The following ATP8B2 variants were observed in gnomAD, a reference collection of about 807,000 sequenced individuals.
ATP8B2 encodes the protein ATPase phospholipid transporting 8B2.
ATP8B2 carries 70 observed loss-of-function variants against 133.4 expected under a neutral mutation model. The ratio of observed to expected loss-of-function variants is 0.52; its 90% CI spans 0.43 to 0.64. The LOEUF (loss-of-function observed/expected upper bound fraction) is 0.64. Ranked by LOEUF, ATP8B2 falls within the 30% of genes least tolerant of loss-of-function variation. ATP8B2 has a pLI of 0.00. For missense variants in ATP8B2, 1,101 were observed against 1,535.7 expected (o/e 0.72, Z 4.73); for synonymous variants, 517 against 589.5 (o/e 0.88, Z 1.78).
In ATP8B2 at chr1:154,349,330, A is replaced by G. The variant is rs1570876550; in HGVS notation, c.*212A>G. ...TGGGGAGCTAGAGGGAGCAGGCCCA[A>G]GGGCAGAGCAGAGGCTGAGGCACGG... On this transcript the variant is annotated 3_prime_UTR_variant, in exon 28 of 28. Transcript: ENST00000368489. The G allele has an allele frequency of 5.8e-6, 4 of 685,966 alleles. No individual in the cohort carries two copies. In the South Asian group the frequency reaches 6.2e-5, roughly 11 times the overall value. 42.5% of individuals were successfully genotyped at this position (685,966 alleles called of 1,614,324 possible). A position where few individuals can be genotyped will look rare whatever the true frequency, so the allele number is the denominator to read the frequency against.
At chr1:154,341,133 G>A (rs1205454649) in intron 13 of ATP8B2, 71 bp downstream of exon 13, 2 of 1,516,634 alleles carry the variant, frequency 1.3e-6, no homozygotes, top group Non-Finnish European at 1.8e-6. Context: ...GGGCCCCACA[G>A]TTTCCTTAAC....
intron 13 of ATP8B2, chr1:154,341,375 G>A: frequency 2.5e-6 from 1 of 401,850 alleles, no homozygotes; most frequent in Admixed American, 3.7e-5. Context: ...GTCTCAGCTG[G>A]CCAGTGACTC....
In ATP8B2 at chr1:154,343,830, G is replaced by T; in HGVS notation, c.1759-63G>T. ...CTACAGTGCAGGATTATTCATTGTCGCCCTCACGCTGTCCATTAGCTCTCC... is the reference window on the plus strand; with the variant it reads ...CTACAGTGCAGGATTATTCATTGTCTCCCTCACGCTGTCCATTAGCTCTCC... On this transcript the variant is annotated intron_variant, in intron 17 of 27. Transcript: ENST00000368489. This position sits in a 1 kb window ranked among gnomAD's most constrained non-coding sequence, Gnocchi z 5.8. 6.6e-7 allele frequency: 1 copy of T among 1,526,112 alleles called. No individual in the cohort carries two copies. The highest frequency in any genetic ancestry group is 8.8e-7 in the Non-Finnish European group (1 of 1,130,004). The allele number at this position is 1,526,112 out of a possible 1,614,324, so 94.5% of individuals were successfully genotyped here.
Position 154,328,153 on chromosome 1 carries a change from T to C in ATP8B2, c.12T>C (p.Cys4=), listed in dbSNP as rs35065691. The C allele has an allele frequency of 1.7e-3, 2,693 of 1,613,858 alleles. 57 individuals are homozygous for C. In the African/African-American group the frequency reaches 0.032, roughly 19 times the overall value. The change falls in exon 2 of 28, where the codon TGT becomes TGC. Residue 4 remains cysteine (C), a synonymous_variant. Transcript: ENST00000368489. The surrounding 1 kb of genome is among the most constrained non-coding windows in gnomAD (Gnocchi z 4.6). The part of the protein sequence containing the change: MAV[C]AKKRPPEEER... ...TCTTGCTGGGTGAGATGGCAGTGTG[T>C]GCAAAAAAGCGCCCCCCAGGTAAGA...
chr1:154,345,982 G>A lies in ATP8B2; in HGVS notation c.2778+99G>A. The stretch of plus-strand genomic sequence containing the variant: ...GTGACACTTGTGCCCATTTCCTGTG[G>A]CCACTGGGAAGGCAGTTCTTTCAGC... On this transcript the variant is annotated intron_variant, in intron 24 of 27. Coordinates refer to ENST00000368489, the MANE Select transcript of ATP8B2 (RefSeq NM_001370597.1). This position sits in a 1 kb window ranked among gnomAD's most constrained non-coding sequence, Gnocchi z 5.6. 1 of 1,262,014 alleles carries A rather than the reference G, an allele frequency of 7.9e-7. No individual in the cohort carries two copies. Among genetic ancestry groups the A allele is most frequent in the South Asian group, 1.3e-5 (1 of 78,704 alleles). 78.2% of individuals were successfully genotyped at this position (1,262,014 alleles called of 1,614,324 possible).
chr1:154,346,368 C>T lies in ATP8B2; in HGVS notation c.2916C>T (p.Pro972=). ...CCTCCGTGCTCATGTTCTTCATTCC[C>T]TATGGGGTGTTTGCTGATGCCACCC... ...IYTSVLMFFI[P]YGVFADATRD... Residue 972 remains proline, a synonymous_variant, in exon 25 of 28, where the codon CCC becomes CCT. Transcript: ENST00000368489. This position sits in a 1 kb window ranked among gnomAD's most constrained non-coding sequence, Gnocchi z 4.5. 1 of 1,614,248 alleles carries T rather than the reference C, an allele frequency of 6.2e-7. No individual in the cohort carries two copies. Among genetic ancestry groups the T allele is most frequent in the South Asian group, 1.1e-5 (1 of 91,090 alleles).
In ATP8B2 at chr1:154,328,435, C is replaced by T. The variant is rs745880209; in HGVS notation, c.31+263C>T. On this transcript the variant is annotated intron_variant, in intron 2 of 27. Transcript: ENST00000368489. This position sits in a 1 kb window ranked among gnomAD's most constrained non-coding sequence, Gnocchi z 4.6. Reference sequence around the variant, plus strand: ...TATCTTCGGGCACCTGCAGCTCCTGCTTTCTGGCCTAGGGAGCTGTGTTCT... The same window carrying T: ...TATCTTCGGGCACCTGCAGCTCCTGTTTTCTGGCCTAGGGAGCTGTGTTCT... 2.6e-5 allele frequency among the ~76,000 whole-genome samples: 4 copies of T among 152,212 alleles called. No homozygotes were observed. Among genetic ancestry groups the T allele is most frequent in the Non-Finnish European group, 5.9e-5 (4 of 68,028 alleles).
chr1:154,327,782 G>T, intron 1 of ATP8B2: 1 of 1,611,340 alleles, frequency 6.2e-7, no homozygotes, highest in Non-Finnish European at 8.5e-7. Flanking sequence ...ACACATGAGA[G>T]CCTCCATTGT....
chr1:154,336,794 CTTTT>C (rs370012622), intron 11 of ATP8B2, among the ~76,000 whole-genome samples: 12 of 126,440 alleles, frequency 9.5e-5, no homozygotes, highest in Admixed American at 1.6e-4. Context: ...TGCACCTGGC[CTTTT>C]TTTTTTTTTT....
intron 12 of ATP8B2, chr1:154,337,923 C>G (rs1203015944): frequency 2.1e-6 from 1 of 486,738 alleles, no homozygotes; most frequent in African/African-American, 2.0e-5. Flanking sequence ...AAAATAGGAA[C>G]CAGTGCTGTA....
In ATP8B2 at chr1:154,340,592, T is replaced by C. The variant is rs1686345959; in HGVS notation, c.1035-262T>C. The C allele has an allele frequency of 5.8e-6, 3 of 520,852 alleles. No individual in the cohort carries two copies. In the Admixed American group the frequency reaches 9.9e-5, roughly 17 times the overall value. The allele number at this position is 520,852 out of a possible 1,614,324, so 32.3% of individuals were successfully genotyped here. On this transcript the variant is annotated intron_variant, in intron 12 of 27. Transcript: ENST00000368489. The surrounding 1 kb of genome is among the most constrained non-coding windows in gnomAD (Gnocchi z 4.0). Reference sequence around the variant, plus strand: ...TCTACAGCCCCTTTTCCTCCTTTGCTGTCTGTCCTGCCCACCCAGGCCCTT... The same window carrying C: ...TCTACAGCCCCTTTTCCTCCTTTGCCGTCTGTCCTGCCCACCCAGGCCCTT...
intron 27 of ATP8B2, 58 bp downstream of exon 27, chr1:154,348,596 A>T (rs1194591): frequency 6.3e-7 from 1 of 1,597,204 alleles, no homozygotes. Flanking sequence ...GAAAGGCCTC[A>T]TGTGAACACT....
chr1:154,328,275 A>G lies in ATP8B2; in HGVS notation c.31+103A>G. ...GGGACAACTGGTATGGGTCTGAGGGAGGGTAGCTTACAGCAGCCCCTACCC... is the reference window on the plus strand; with the variant it reads ...GGGACAACTGGTATGGGTCTGAGGGGGGGTAGCTTACAGCAGCCCCTACCC... On this transcript the variant is annotated intron_variant, in intron 2 of 27. Transcript: ENST00000368489. This position sits in a 1 kb window ranked among gnomAD's most constrained non-coding sequence, Gnocchi z 4.6. 1 of 1,288,680 alleles carries G rather than the reference A, an allele frequency of 7.8e-7. No individual in the cohort carries two copies. Among genetic ancestry groups the G allele is most frequent in the Non-Finnish European group, 1.1e-6 (1 of 889,260 alleles). 79.8% of individuals were successfully genotyped at this position (1,288,680 alleles called of 1,614,324 possible). A position where few individuals can be genotyped will look rare whatever the true frequency, so the allele number is the denominator to read the frequency against.
chr1:154,331,528 A>G lies in ATP8B2; in HGVS notation c.365+23A>G. 2 of 1,613,928 alleles carry G rather than the reference A, an allele frequency of 1.2e-6. No homozygotes were observed. Among genetic ancestry groups the G allele is most frequent in the Non-Finnish European group, 1.7e-6 (2 of 1,179,822 alleles). ...AATGTGAGTGCCTGTTGGAGACAAG[A>G]GCTCTGGGGACGAAGGGGGTCCCTT... is the stretch of plus-strand genomic sequence containing the variant. On this transcript the variant is annotated intron_variant, in intron 6 of 27. Transcript: ENST00000368489. The surrounding 1 kb of genome is among the most constrained non-coding windows in gnomAD (Gnocchi z 4.8).
rs1285592828 is a variant in ATP8B2 at position 154,350,698 on chromosome 1, C to CA, written c.*1581dup. 5 of 152,364 alleles carry CA rather than the reference C, an allele frequency of 3.3e-5. No individual in the cohort carries two copies. Among genetic ancestry groups the CA allele is most frequent in the African/African-American group, 1.2e-4 (5 of 41,472 alleles). 9.4% of individuals were successfully genotyped at this position (152,364 alleles called of 1,614,324 possible). The stretch of plus-strand genomic sequence containing the variant: ...TGGCTTGGTCTGGATGGGACACTGT[C>CA]AGAGTTTGGCCACAGCCTGTCCTTT... On this transcript the variant is annotated 3_prime_UTR_variant, in exon 28 of 28. Transcript: ENST00000368489.
intron 4 of ATP8B2, 56 bp downstream of exon 4, chr1:154,330,984 A>G (rs1024361084): frequency 8.2e-5 from 132 of 1,600,834 alleles, no homozygotes; most frequent in Admixed American, 1.5e-4. Context: ...AAGCCAAGGA[A>G]GAGGAAAGGG....
rs918168550 is a variant in ATP8B2 at position 154,328,883 on chromosome 1, T to G, written c.31+711T>G. On this transcript the variant is annotated intron_variant, in intron 2 of 27. Transcript: ENST00000368489. This position sits in a 1 kb window ranked among gnomAD's most constrained non-coding sequence, Gnocchi z 4.6. ...GCGCGCCCGACGGCTGGGGCTCCCC[T>G]CTGAGCGGCTGCGGCTCCTGCACCT... 1 of 1,258,774 alleles carries G rather than the reference T, an allele frequency of 7.9e-7. No homozygotes were observed. Among genetic ancestry groups the G allele is most frequent in the Non-Finnish European group, 1.0e-6 (1 of 969,570 alleles). The allele number at this position is 1,258,774 out of a possible 1,614,324, so 78.0% of individuals were successfully genotyped here.
chr1:154,329,160 C>T (rs1570845442), intron 2 of ATP8B2: 1 of 1,158,694 alleles, frequency 8.6e-7, no homozygotes, highest in Non-Finnish European at 1.1e-6. Context: ...CCAGCCTCCC[C>T]CTACCTGCCT....
chr1:154,343,106 C>G lies in ATP8B2; in HGVS notation c.1454-7C>G. On this transcript the variant is annotated splice_region_variant and splice_polypyrimidine_tract_variant and intron_variant, in intron 15 of 27. Coordinates refer to ENST00000368489, the MANE Select transcript of ATP8B2 (RefSeq NM_001370597.1). This position sits in a 1 kb window ranked among gnomAD's most constrained non-coding sequence, Gnocchi z 5.8. ...TTATATCACGTGTATTCTTCCTCCCCACCCAGGAGAGCTGTACTACAAAGC... is the reference window on the plus strand; with the variant it reads ...TTATATCACGTGTATTCTTCCTCCCGACCCAGGAGAGCTGTACTACAAAGC... 6.2e-7 allele frequency: 1 copy of G among 1,610,516 alleles called. No homozygotes were observed. Among genetic ancestry groups the G allele is most frequent in the Non-Finnish European group, 8.5e-7 (1 of 1,178,194 alleles).
Sources: allele counts gnomAD v4.1 joint callset (sites outside exome capture counted in the v4.1 genomes callset), GRCh38; gene constraint gnomAD v4.1.1; non-coding constraint Gnocchi (gnomAD v3.1); transcripts MANE v1.5; gene names NCBI Gene and HGNC (gene_info 2026-07-23, HGNC 2026-07-21).